SENP7: variants seen among roughly 807,000 people sequenced by gnomAD.
The protein encoded by SENP7 is sentrin-specific protease 7.
SENP7 carries 64 observed loss-of-function variants against 141.2 expected under a neutral mutation model. That is an observed-to-expected ratio of 0.45 (90% CI 0.37 to 0.56). The LOEUF (loss-of-function observed/expected upper bound fraction) is 0.56. Among genes scored for constraint, SENP7 ranks in the 20% least tolerant of loss-of-function variants. SENP7 has a pLI of 0.00. For synonymous variants in SENP7, 382 were observed against 426.4 expected, an observed-to-expected ratio of 0.90 and a Z score of 1.28; for missense variants, 1,025 against 1,212.2, an observed-to-expected ratio of 0.85 and a Z score of 2.29.
At chr3:101,404,457 A>G (rs192550662) in intron 5 of SENP7, among the ~76,000 whole-genome samples, 1 of 152,360 alleles carries the variant, frequency 6.6e-6, no homozygotes, top group East Asian at 1.9e-4. Flanking sequence ...ACCTAAAAGT[A>G]TAAAAAACCT....
chr3:101,330,296 A>G, intron 20 of SENP7, 38 bp downstream of exon 20: 1 of 1,453,062 alleles, frequency 6.9e-7, no homozygotes, highest in Non-Finnish European at 9.7e-7. Context: ...TATATTCATG[A>G]GTTTTCCTTC....
rs770107841 is a variant in SENP7, at chr3:101,330,334, T to C, written c.2751A>G (p.Gln917=). 1.3e-6 allele frequency: 2 copies of C among 1,599,072 alleles called. No homozygotes were observed. Among genetic ancestry groups the C allele is most frequent in the South Asian group, 1.1e-5 (1 of 90,582 alleles). ...TCCCATCTGTAAAGAACACACTTAC[T>C]TGGGAATCCTCTGCACTCAAAGACA... is the stretch of plus-strand genomic sequence containing the variant. ...STLSLSAEDS[Q]STESNMSVPK... The change falls in exon 20 of 24, where the codon CAA becomes CAG. Residue 917 remains glutamine (Q), a splice_region_variant and synonymous_variant. Transcript: ENST00000394095.
intron 1 of SENP7, 59 bp downstream of exon 1, chr3:101,513,032 C>T (rs2065929744): frequency 1.3e-6 from 2 of 1,582,534 alleles, no homozygotes; most frequent in Non-Finnish European, 1.7e-6. Context: ...GCCGCCTGCG[C>T]CTCCCGTTTC....
At chr3:101,398,814 A>G (rs369555720) in intron 6 of SENP7, 47 bp downstream of exon 6, 102 of 1,309,942 alleles carry the variant, frequency 7.8e-5, no homozygotes, top group Admixed American at 2.4e-4. Context: ...GGAAGGATAC[A>G]TAAAAATAAA....
chr3:101,366,175 A>C (rs34657839), intron 9 of SENP7, among the ~76,000 whole-genome samples: 3,491 of 152,330 alleles, frequency 0.023, 90 homozygotes, highest in South Asian at 0.13. Context: ...AAAACTATTG[A>C]GATGACAGTG....
chr3:101,340,048 T>A (rs1391246866), intron 16 of SENP7, 47 bp downstream of exon 16: 1 of 1,481,402 alleles, frequency 6.8e-7, no homozygotes, highest in East Asian at 2.5e-5. Context: ...TTTAAGTTTC[T>A]CAGTAAAATC....
intron 4 of SENP7, among the ~76,000 whole-genome samples, chr3:101,431,318 T>A (rs1435016999): frequency 1.3e-5 from 2 of 151,996 alleles, no homozygotes; most frequent in Non-Finnish European, 2.9e-5. Flanking sequence ...GGAGTCTAAG[T>A]CTCTTTGTAG....
chr3:101,324,502 A>G lies in SENP7; in HGVS notation c.*1441T>C, dbSNP rs1013849954. Reference sequence around the variant, plus strand: ...ATAGTCACCTTTAAAAGTACCCCCCAACACACACAAATTGGGAATGAAATA... The same window carrying G: ...ATAGTCACCTTTAAAAGTACCCCCCGACACACACAAATTGGGAATGAAATA... On this transcript the variant is annotated 3_prime_UTR_variant, in exon 24 of 24. Coordinates refer to ENST00000394095, the MANE Select transcript of SENP7 (RefSeq NM_020654.5). 6.6e-6 allele frequency: 1 copy of G among 152,148 alleles called. No homozygotes were observed. The highest frequency in any genetic ancestry group is 2.1e-4 in the South Asian group (1 of 4,824). 9.4% of individuals were successfully genotyped at this position (152,148 alleles called of 1,614,324 possible). A position where few individuals can be genotyped will look rare whatever the true frequency, so the allele number is the denominator to read the frequency against.
At chr3:101,507,861 C>T (rs1035841498) in intron 1 of SENP7, among the ~76,000 whole-genome samples, 2 of 151,560 alleles carry the variant, frequency 1.3e-5, no homozygotes, top group Non-Finnish European at 2.9e-5. Context: ...CCATCCTAGC[C>T]AACATGGTGA....
chr3:101,347,939 G>T lies in SENP7; in HGVS notation c.1770C>A (p.Phe590Leu). ...HSKRSHAILF[F>L]WVSSDYLQEI... is the part of the protein sequence containing the mutation. Reference sequence around the variant, plus strand: ...CTTGAAGATAATCTGAAGAGACCCAGAAGAAAAGAATAGCATGACTCCTTT... The same window carrying T: ...CTTGAAGATAATCTGAAGAGACCCATAAGAAAAGAATAGCATGACTCCTTT... Residue 590 changes from phenylalanine to leucine, a missense_variant, in exon 13 of 24, where the codon TTC becomes TTA. Around this residue, in one of 4 missense-constraint regions of SENP7, gnomAD observed 228 missense variants for 228.5 expected, o/e 1.00. Transcript: ENST00000394095. 1 of 1,609,564 alleles carries T rather than the reference G, an allele frequency of 6.2e-7. No homozygotes were observed. The highest frequency in any genetic ancestry group is 8.5e-7 in the Non-Finnish European group (1 of 1,176,896).
At chr3:101,471,100 C>G (rs988316421) in intron 3 of SENP7, among the ~76,000 whole-genome samples, 10 of 152,130 alleles carry the variant, frequency 6.6e-5, no homozygotes, top group South Asian at 2.1e-4. Flanking sequence ...AGATTCAATG[C>G]CATCCCCATC....
At chr3:101,504,671 GA>G (rs2065523415) in intron 1 of SENP7, among the ~76,000 whole-genome samples, 1 of 152,118 alleles carries the variant, frequency 6.6e-6, no homozygotes, top group Admixed American at 6.5e-5. Flanking sequence ...ATTCCGGAAT[GA>G]AAAAGGAATG....
chr3:101,490,680 T>G (rs2064930939), intron 3 of SENP7, among the ~76,000 whole-genome samples: 1 of 152,220 alleles, frequency 6.6e-6, no homozygotes, highest in East Asian at 1.9e-4. Context: ...GCCTGTTTAA[T>G]GTAACTATAT....
intron 12 of SENP7, among the ~76,000 whole-genome samples, chr3:101,349,686 A>C (rs2059565398): frequency 6.6e-6 from 1 of 152,140 alleles, no homozygotes; most frequent in African/African-American, 2.4e-5. Flanking sequence ...AAGTATAATA[A>C]TAATAATTTA....
intron 7 of SENP7, among the ~76,000 whole-genome samples, chr3:101,370,202 A>G (rs535048822): frequency 6.6e-6 from 1 of 152,330 alleles, no homozygotes; most frequent in African/African-American, 2.4e-5. Flanking sequence ...ATGCATGTCT[A>G]AAATGCCACT....
chr3:101,420,897 A>G (rs2061773066), intron 4 of SENP7, among the ~76,000 whole-genome samples: 2 of 152,198 alleles, frequency 1.3e-5, no homozygotes, highest in Non-Finnish European at 2.9e-5. Context: ...TTCTAGATTA[A>G]GAGACTAATG....
intron 4 of SENP7, among the ~76,000 whole-genome samples, chr3:101,447,745 A>G (rs1422765915): frequency 6.6e-6 from 1 of 152,162 alleles, no homozygotes; most frequent in African/African-American, 2.4e-5. Flanking sequence ...CTAAAATTCA[A>G]CTGAAAATGC....
At chr3:101,471,414 T>G (rs1306874257) in intron 3 of SENP7, among the ~76,000 whole-genome samples, 1 of 152,200 alleles carries the variant, frequency 6.6e-6, no homozygotes, top group East Asian at 1.9e-4. Flanking sequence ...GGATTCCCTA[T>G]TTAATAAATG....
At chr3:101,428,049 G>A (rs1224956628) in intron 4 of SENP7, among the ~76,000 whole-genome samples, 1 of 152,190 alleles carries the variant, frequency 6.6e-6, no homozygotes, top group Non-Finnish European at 1.5e-5. Flanking sequence ...TGGCTGCATA[G>A]TATTCCATGG....
Sources: gnomAD v4.1 joint callset for allele counts (sites outside exome capture counted in the v4.1 genomes callset) on GRCh38, gnomAD v4.1.1 for gene constraint, gnomAD v4.1.1 regional missense constraint, MANE v1.5 for transcripts, NCBI Gene and HGNC (gene_info 2026-07-23, HGNC 2026-07-21) for gene names.